The following ZHX2 variants were observed in gnomAD, a reference collection of about 807,000 sequenced individuals.
ZHX2 encodes zinc fingers and homeoboxes 2.
A neutral mutation model predicts 21.9 loss-of-function variants in ZHX2; 6 were observed. The observed-to-expected ratio is 0.27, with a 90% CI of 0.15 to 0.54. The LOEUF is 0.54. ZHX2 is among the 20% of genes least tolerant of loss of function. ZHX2 has a pLI of 0.95. For missense variants in ZHX2, 908 were observed against 1,090.7 expected (o/e 0.83, Z 2.36); for synonymous variants, 434 against 437.1 (o/e 0.99, Z 0.09).
intron 1 of ZHX2, among the ~76,000 whole-genome samples, chr8:122,796,888 T>C (rs561690489): frequency 3.1e-4 from 47 of 152,304 alleles, no homozygotes; most frequent in African/African-American, 1.1e-3. Context: ...ATTCCTCGGG[T>C]GCCTGCTGGT....
chr8:122,926,328 G>A (rs1438745317), intron 2 of ZHX2, among the ~76,000 whole-genome samples: 2 of 152,204 alleles, frequency 1.3e-5, no homozygotes, highest in Admixed American at 6.5e-5. Context: ...AAGGCAGGCT[G>A]TCTGGCTGCT....
intron 2 of ZHX2, among the ~76,000 whole-genome samples, chr8:122,912,810 T>C (rs747729272): frequency 6.6e-6 from 1 of 152,076 alleles, no homozygotes; most frequent in Non-Finnish European, 1.5e-5. Flanking sequence ...TTCTTTGCTG[T>C]GGTAACCCTA....
At chr8:122,895,127 A>G (rs972148490) in intron 2 of ZHX2, among the ~76,000 whole-genome samples, 27 of 152,164 alleles carry the variant, frequency 1.8e-4, no homozygotes, top group Admixed American at 2.6e-4. Context: ...ATCTCCAGTG[A>G]ACTGTATTAA....
intron 2 of ZHX2, among the ~76,000 whole-genome samples, chr8:122,880,789 A>G (rs1819696402): frequency 6.9e-6 from 1 of 145,716 alleles, no homozygotes. Context: ...AAAAAAAAAA[A>G]TAGAGAGAGT....
At chr8:122,933,585 A>G (rs561584938) in intron 2 of ZHX2, among the ~76,000 whole-genome samples, 4 of 152,306 alleles carry the variant, frequency 2.6e-5, no homozygotes, top group Admixed American at 2.0e-4. Context: ...GGAGAAGATT[A>G]TAACATCAGG....
intron 1 of ZHX2, among the ~76,000 whole-genome samples, chr8:122,856,146 C>A (rs1269054250): frequency 1.3e-5 from 2 of 152,138 alleles, no homozygotes; most frequent in Non-Finnish European, 2.9e-5. Flanking sequence ...CAGAGAAGAT[C>A]AAGTATTTTG....
intron 2 of ZHX2, among the ~76,000 whole-genome samples, chr8:122,883,589 T>C (rs1457959855): frequency 1.3e-5 from 2 of 150,314 alleles, no homozygotes; most frequent in African/African-American, 2.5e-5. Context: ...TCACAGGGCT[T>C]ATGGGGAAAA....
At chr8:122,781,094 T>C (rs950456268), upstream of ZHX2, 1 of 152,226 alleles carries the variant, frequency 6.6e-6, no homozygotes, top group African/African-American at 2.4e-5. The surrounding 1 kb of genome is among the most constrained non-coding windows in gnomAD (Gnocchi z 4.6). Flanking sequence ...ATCGTTATTA[T>C]TATTTTCCTG....
At chr8:122,946,563 G>A (rs1042520735) in intron 2 of ZHX2, among the ~76,000 whole-genome samples, 65 of 152,018 alleles carry the variant, frequency 4.3e-4, no homozygotes, top group Admixed American at 4.6e-4. Flanking sequence ...ACCTCATTTC[G>A]GGGGCTCACT....
At chr8:122,793,545 G>A (rs1039075930) in intron 1 of ZHX2, among the ~76,000 whole-genome samples, 2 of 152,230 alleles carry the variant, frequency 1.3e-5, no homozygotes, top group South Asian at 4.1e-4. Flanking sequence ...AGCCAAGTAG[G>A]GGCCCTATCA....
chr8:122,882,450 T>G (rs1198947373), intron 2 of ZHX2, among the ~76,000 whole-genome samples: 2 of 152,072 alleles, frequency 1.3e-5, no homozygotes, highest in Admixed American at 6.6e-5. Context: ...TTGCAAGTTT[T>G]TTCTTCCTCT....
At chr8:122,812,842 T>C (rs1425086953) in intron 1 of ZHX2, among the ~76,000 whole-genome samples, 1 of 152,184 alleles carries the variant, frequency 6.6e-6, no homozygotes, top group Admixed American at 6.5e-5. Context: ...CCCATGTGCC[T>C]GGCCCTGTTG....
At chr8:122,861,786 A>G (rs1819174303) in intron 1 of ZHX2, among the ~76,000 whole-genome samples, 1 of 152,158 alleles carries the variant, frequency 6.6e-6, no homozygotes, top group Non-Finnish European at 1.5e-5. Flanking sequence ...GCCCCTTAAA[A>G]AGTAAGGAGC....
chr8:122,790,960 G>A (rs564089565), intron 1 of ZHX2, among the ~76,000 whole-genome samples: 3 of 152,334 alleles, frequency 2.0e-5, no homozygotes, highest in Admixed American at 6.5e-5. Flanking sequence ...TACAAAGTGG[G>A]GAAGTCCTTT....
chr8:122,789,900 T>C lies in ZHX2; in HGVS notation c.-283+7954T>C, dbSNP rs1817477522. On this transcript the variant is annotated intron_variant, in intron 1 of 3. Coordinates refer to ENST00000314393, the MANE Select transcript of ZHX2 (RefSeq NM_014943.5). ...GTGGTGAATTTCTGCCAGAGACCCA[T>C]AGTCCAGGAGAGCCCGAAGACTTCA... 2.0e-5 allele frequency among the ~76,000 whole-genome samples: 3 copies of C among 152,312 alleles called. 1 individual carries two copies. The South Asian group carries it at 6.2e-4, about 32-fold the overall frequency.
intron 2 of ZHX2, among the ~76,000 whole-genome samples, chr8:122,917,272 C>G (rs1177039811): frequency 6.6e-6 from 1 of 152,196 alleles, no homozygotes; most frequent in South Asian, 2.1e-4. Flanking sequence ...TCTAAAAAGG[C>G]ACCGAGAAAC....
chr8:122,849,738 A>C (rs946470997), intron 1 of ZHX2, among the ~76,000 whole-genome samples: 1 of 152,156 alleles, frequency 6.6e-6, no homozygotes, highest in Non-Finnish European at 1.5e-5. Context: ...TTCTTTTCAA[A>C]TAAGCTCGCA....
At chr8:122,797,550 A>G (rs544376520) in intron 1 of ZHX2, among the ~76,000 whole-genome samples, 1 of 152,270 alleles carries the variant, frequency 6.6e-6, no homozygotes, top group South Asian at 2.1e-4. Flanking sequence ...TACCTTGAAC[A>G]GGATTCCTGA....
intron 2 of ZHX2, among the ~76,000 whole-genome samples, chr8:122,872,511 A>T (rs1819465035): frequency 6.6e-6 from 1 of 152,190 alleles, no homozygotes; most frequent in Admixed American, 6.5e-5. Flanking sequence ...GAGATGAAGA[A>T]AGAAGTGAGA....
Sources: allele counts gnomAD v4.1 joint callset (sites outside exome capture counted in the v4.1 genomes callset), GRCh38; gene constraint gnomAD v4.1.1; non-coding constraint Gnocchi (gnomAD v3.1); transcripts MANE v1.5; gene names NCBI Gene and HGNC (gene_info 2026-07-23, HGNC 2026-07-21).